KCNT1: variants seen among roughly 807,000 people sequenced by gnomAD.
The protein encoded by KCNT1 is potassium sodium-activated channel subfamily T member 1, also known as potassium channel subfamily T member 1.
A neutral mutation model predicts 147.8 loss-of-function variants in KCNT1; 78 were observed. That is an observed-to-expected ratio of 0.53 (90% CI 0.44 to 0.64). KCNT1 has a LOEUF of 0.64. KCNT1 is among the 30% of genes least tolerant of loss of function. The pLI is 0.00. For synonymous variants in KCNT1, 867 were observed against 748.8 expected, an observed-to-expected ratio of 1.16 and a Z score of -2.58; for missense variants, 1,419 against 1,750.3, an observed-to-expected ratio of 0.81 and a Z score of 3.38.
intron 2 of KCNT1, among the ~76,000 whole-genome samples, chr9:135,725,891 C>T (rs758245419): frequency 1.2e-4 from 19 of 152,258 alleles, no homozygotes; most frequent in Non-Finnish European, 2.4e-4. Context: ...CCCTCCCACC[C>T]GCCCTGGGAG....
At position 135,702,187 on chromosome 9, in the gene KCNT1, G is replaced by A; in HGVS notation, c.-72G>A. 8.6e-7 allele frequency: 1 copy of A among 1,157,512 alleles called. No homozygotes were observed. The highest frequency in any genetic ancestry group is 1.3e-5 in the South Asian group (1 of 78,804). The allele number at this position is 1,157,512 out of a possible 1,614,324, so 71.7% of individuals were successfully genotyped here. The stretch of plus-strand genomic sequence containing the variant: ...CGAGGAAAAAAAAAATGTTTTTCAG[G>A]GCAACGCGAGGGAAGAAGGTGGCGG... On this transcript the variant is annotated 5_prime_UTR_variant, in exon 1 of 31. Coordinates refer to ENST00000371757, the MANE Select transcript of KCNT1 (RefSeq NM_020822.3).
At position 135,732,023 on chromosome 9, in the gene KCNT1, GA is replaced by G. The variant is rs1277503140; in HGVS notation, c.254+17304del. Among the ~76,000 whole-genome samples the G allele has an allele frequency of 3.7e-4, 50 of 133,456 alleles. 1 individual carries two copies. Among genetic ancestry groups the G allele is most frequent in the Non-Finnish European group, 5.8e-4 (36 of 61,766 alleles). The allele number at this position is 133,456 out of a possible 152,430, so 87.6% of individuals were successfully genotyped here. ...AGAGAGAGAGAGAGAGAGAGAGAGA[GA>G]GAGAGAGAGAGAGAGAGGGAGTCTC... On this transcript the variant is annotated intron_variant, in intron 2 of 30. Transcript: ENST00000371757.
chr9:135,756,428 C>G (rs1371361359), intron 6 of KCNT1, among the ~76,000 whole-genome samples: 1 of 152,192 alleles, frequency 6.6e-6, no homozygotes, highest in Admixed American at 6.5e-5. Flanking sequence ...ATGTCTCCAT[C>G]TGAGACCAGA....
rs1234463724 is a variant in KCNT1, at chr9:135,758,401, A to T, written c.760-13A>T. ...CAGTCCCTGCCCGCTGACAGCCACCACTCCTTCCACAGAATGACTTCCACC... is the reference window on the plus strand; with the variant it reads ...CAGTCCCTGCCCGCTGACAGCCACCTCTCCTTCCACAGAATGACTTCCACC... On this transcript the variant is annotated splice_polypyrimidine_tract_variant and intron_variant, in intron 9 of 30. Transcript: ENST00000371757. The T allele has an allele frequency of 6.2e-7, 1 of 1,605,668 alleles. No individual in the cohort carries two copies. Among genetic ancestry groups the T allele is most frequent in the Admixed American group, 1.7e-5 (1 of 59,974 alleles).
rs1832431716 is a variant in KCNT1 at position 135,768,242 on chromosome 9, GGGGGGGGGGGGGGGGCAC to G, written c.1338-367_1338-350del. ...TCTGGAGAGGCCCAGGATGCCTGCG[GGGGGGGGGGGGGGGGCAC>G]TGGGATACCGGTGGGGGGGGCACAG... On this transcript the variant is annotated intron_variant, in intron 13 of 30. Transcript: ENST00000371757. Among the ~76,000 whole-genome samples the G allele has an allele frequency of 2.0e-4, 5 of 25,086 alleles. 1 individual carries two copies. The highest frequency in any genetic ancestry group is 3.3e-4 in the Non-Finnish European group (3 of 9,050). The allele number at this position is 25,086 out of a possible 152,430, so 16.5% of individuals were successfully genotyped here.
chr9:135,771,831 C>T (rs1832781134), intron 18 of KCNT1, among the ~76,000 whole-genome samples: 1 of 152,206 alleles, frequency 6.6e-6, no homozygotes, highest in African/African-American at 2.4e-5. Context: ...GGAAGCCACT[C>T]AGGCCACAGA....
chr9:135,702,344 T>A lies in KCNT1; in HGVS notation c.86T>A (p.Phe29Tyr). ...GGGYTNRTFE[F>Y]DDGQCAPRRP... ...GGCTACACCAACCGGACCTTCGAGT[T>A]TGACGACGGCCAATGCGCCCCCAGG... Residue 29 changes from phenylalanine (F) to tyrosine (Y), a missense_variant, in exon 1 of 31, where the codon TTT (phenylalanine) becomes TAT (tyrosine). Transcript: ENST00000371757. 1 of 1,611,456 alleles carries A rather than the reference T, an allele frequency of 6.2e-7. No homozygotes were observed. The highest frequency in any genetic ancestry group is 8.5e-7 in the Non-Finnish European group (1 of 1,179,222).
Position 135,760,817 on chromosome 9 carries a change from A to G in KCNT1, c.1035+958A>G, listed in dbSNP as rs560491650. Among the ~76,000 whole-genome samples the G allele has an allele frequency of 7.2e-5, 11 of 152,208 alleles. No homozygotes were observed. The East Asian group carries it at 1.4e-3, about 19-fold the overall frequency. On this transcript the variant is annotated intron_variant, in intron 11 of 30. Transcript: ENST00000371757. Reference sequence around the variant, plus strand: ...CAGATGGGGCCGTGCGCGTCTTTCCATCTGGTTGTCGGCCACTCCACCGTC... The same window carrying G: ...CAGATGGGGCCGTGCGCGTCTTTCCGTCTGGTTGTCGGCCACTCCACCGTC...
intron 1 of KCNT1, 115 bp downstream of exon 1, chr9:135,702,483 C>T (rs1588239234): frequency 1.1e-6 from 1 of 888,816 alleles, no homozygotes; most frequent in South Asian, 1.4e-5. Context: ...GGCCATCCAA[C>T]TTCCCCAGGA....
chr9:135,712,453 G>A (rs901098932), intron 1 of KCNT1, among the ~76,000 whole-genome samples: 26 of 152,268 alleles, frequency 1.7e-4, no homozygotes, highest in African/African-American at 4.8e-4. Context: ...TGCAGAATTC[G>A]AGGTGGGCCC....
At position 135,716,437 on chromosome 9, in the gene KCNT1, A is replaced by C. The variant is rs1043122969; in HGVS notation, c.254+1717A>C. Among the ~76,000 whole-genome samples, 3 of 152,188 alleles carry C rather than the reference A, an allele frequency of 2.0e-5. No homozygotes were observed. The South Asian group carries it at 6.2e-4, about 32-fold the overall frequency. ...CATGGGATTTCACAATGAGTCCCTG[A>C]TCCTGGGTGTGGTTTTTTAAAATTG... On this transcript the variant is annotated intron_variant, in intron 2 of 30. Transcript: ENST00000371757.
chr9:135,760,905 G>A (rs1416204885), intron 11 of KCNT1, among the ~76,000 whole-genome samples: 2 of 152,192 alleles, frequency 1.3e-5, no homozygotes, highest in South Asian at 2.1e-4. Flanking sequence ...CCTGGTTCTC[G>A]CTGATGAGCG....
In KCNT1 at chr9:135,779,544, AGG is replaced by A. The variant is rs933245120; in HGVS notation, c.2841+78_2841+79del. 10 of 1,148,592 alleles carry A rather than the reference AGG, an allele frequency of 8.7e-6. No individual in the cohort carries two copies. In the African/African-American group the frequency reaches 1.5e-4, roughly 17 times the overall value. 71.2% of individuals were successfully genotyped at this position (1,148,592 alleles called of 1,614,324 possible). On this transcript the variant is annotated intron_variant, in intron 24 of 30. Coordinates refer to ENST00000371757, the MANE Select transcript of KCNT1 (RefSeq NM_020822.3). ...AGTGGGAGAAAGGGGCTCAGGGGAA[AGG>A]GGGCCAGTGCCATGGGAGGCTGGGC...
Position 135,755,035 on chromosome 9 carries a change from C to T in KCNT1, c.492-86C>T, listed in dbSNP as rs4842032. 0.27 allele frequency: 347,757 copies of T among 1,281,762 alleles called. 49,538 individuals carry two copies. The highest frequency in any genetic ancestry group is 0.36 in the Middle Eastern group (1,685 of 4,730). 79.4% of individuals were successfully genotyped at this position (1,281,762 alleles called of 1,614,324 possible). On this transcript the variant is annotated intron_variant, in intron 5 of 30. Coordinates refer to ENST00000371757, the MANE Select transcript of KCNT1 (RefSeq NM_020822.3). The stretch of plus-strand genomic sequence containing the variant: ...AGCACATGCTTGGGGCCAGTGGAGG[C>T]CAATGGTTATGGCCCCAGCCCCAGG...
intron 19 of KCNT1, among the ~76,000 whole-genome samples, chr9:135,773,668 G>A (rs1832912472): frequency 6.6e-6 from 1 of 152,280 alleles, no homozygotes; most frequent in Non-Finnish European, 1.5e-5. Context: ...AGGGCCCGAG[G>A]TCCATCCTCA....
At chr9:135,777,667 TC>T (rs1205343842) in intron 21 of KCNT1, among the ~76,000 whole-genome samples, 157 bp downstream of exon 21, 5 of 151,222 alleles carry the variant, frequency 3.3e-5, no homozygotes, top group Non-Finnish European at 7.4e-5. Context: ...AGGGGGACTC[TC>T]CTTCCTGCTC....
Position 135,758,308 on chromosome 9 carries a change from G to C in KCNT1, c.760-106G>C, listed in dbSNP as rs918407944. 3 of 834,206 alleles carry C rather than the reference G, an allele frequency of 3.6e-6. No homozygotes were observed. In the Admixed American group the frequency reaches 5.5e-5, roughly 15 times the overall value. The allele number at this position is 834,206 out of a possible 1,614,324, so 51.7% of individuals were successfully genotyped here. A position where few individuals can be genotyped will look rare whatever the true frequency, so the allele number is the denominator to read the frequency against. ...CCCCGTGGGCCTCAGCCGAGACGCA[G>C]GTGTGGCCGGGCCGTCTGCTTTCCA... is the stretch of plus-strand genomic sequence containing the variant. On this transcript the variant is annotated intron_variant, in intron 9 of 30. Transcript: ENST00000371757.
intron 18 of KCNT1, among the ~76,000 whole-genome samples, chr9:135,772,109 G>A (rs935052886): frequency 5.3e-5 from 8 of 152,190 alleles, no homozygotes; most frequent in African/African-American, 1.2e-4. Context: ...GGGCCTGGCC[G>A]CAGGGCACTG....
chr9:135,719,776 A>C (rs1835853873), intron 2 of KCNT1, among the ~76,000 whole-genome samples: 2 of 152,088 alleles, frequency 1.3e-5, no homozygotes, highest in Non-Finnish European at 1.5e-5. Flanking sequence ...TGAGTGCCCC[A>C]AGCTGGTGCC....
Sources: allele counts gnomAD v4.1 joint callset (sites outside exome capture counted in the v4.1 genomes callset), GRCh38; gene constraint gnomAD v4.1.1; transcripts MANE v1.5; gene names NCBI Gene and HGNC (gene_info 2026-07-23, HGNC 2026-07-21).